The following LRRC8C variants were observed in gnomAD, a reference collection of about 807,000 sequenced individuals.
The protein encoded by LRRC8C is leucine rich repeat containing 8 VRAC subunit C.
Under a neutral mutation model 55.3 loss-of-function variants are expected in LRRC8C, and 20 were observed. The ratio of observed to expected loss-of-function variants is 0.36; its 90% CI spans 0.25 to 0.53. LRRC8C has a LOEUF of 0.53. Among genes scored for constraint, LRRC8C ranks in the 20% least tolerant of loss-of-function variants. LRRC8C has a pLI of 0.92. For synonymous variants in LRRC8C, 376 were observed against 360.7 expected, an observed-to-expected ratio of 1.04 and a Z score of -0.48; for missense variants, 659 against 951.4, an observed-to-expected ratio of 0.69 and a Z score of 4.04.
intron 1 of LRRC8C, among the ~76,000 whole-genome samples, chr1:89,639,740 A>G (rs557943902): frequency 2.2e-4 from 33 of 152,364 alleles, no homozygotes; most frequent in African/African-American, 7.7e-4. Context: ...TAGCTGCTCA[A>G]TAAATAATCA....
In LRRC8C at chr1:89,675,997, C is replaced by A. The variant is rs550309278; in HGVS notation, c.-4-10473C>A. ...GAAGGACTATTAGATCTCAGCTTAG[C>A]CTCATTTCAGTAAGGATTTCTGAAT... is the stretch of plus-strand genomic sequence containing the variant. On this transcript the variant is annotated intron_variant, in intron 1 of 2. Transcript: ENST00000370454. Among the ~76,000 whole-genome samples, 15 of 152,260 alleles carry A rather than the reference C, an allele frequency of 9.9e-5. No individual in the cohort carries two copies. In the East Asian group the frequency reaches 2.9e-3, roughly 29 times the overall value.
chr1:89,620,905 C>T, the LRRC8C span, among the ~76,000 whole-genome samples: 1 of 152,206 alleles, frequency 6.6e-6, no homozygotes, highest in Non-Finnish European at 1.5e-5. Context: ...ACCATGACGA[C>T]TCCTCATTTT....
chr1:89,633,589 C>G (rs1656195082), intron 1 of LRRC8C, among the ~76,000 whole-genome samples: 1 of 152,192 alleles, frequency 6.6e-6, no homozygotes, highest in Non-Finnish European at 1.5e-5. Context: ...GCCTGGCGCC[C>G]AACGCCGCGC....
intron 1 of LRRC8C, chr1:89,676,408 A>G (rs1657549439): frequency 6.6e-6 from 1 of 152,228 alleles, no homozygotes; most frequent in African/African-American, 2.4e-5. Context: ...TTCTTTCCTC[A>G]TCTCAAACAT....
the LRRC8C span, among the ~76,000 whole-genome samples, chr1:89,624,166 A>C: frequency 6.6e-6 from 1 of 152,232 alleles, no homozygotes; most frequent in African/African-American, 2.4e-5. Context: ...TTTTATGAGC[A>C]GTAAGTATGC....
rs549536491 is a variant in LRRC8C at position 89,651,637 on chromosome 1, C to T, written c.-5+18315C>T. 2.0e-5 allele frequency among the ~76,000 whole-genome samples: 3 copies of T among 151,114 alleles called. No homozygotes were observed. In the South Asian group the frequency reaches 6.3e-4, roughly 32 times the overall value. On this transcript the variant is annotated intron_variant, in intron 1 of 2. Transcript: ENST00000370454. ...TTATAAACCCTAAGTATTTGCTTTC[C>T]CTCCCTTTATAGGAAAAAGTTTATG...
chr1:89,703,996 T>C (rs1209908998), intron 2 of LRRC8C, among the ~76,000 whole-genome samples: 1 of 152,062 alleles, frequency 6.6e-6, no homozygotes, highest in African/African-American at 2.4e-5. Context: ...AAAGATAATA[T>C]AACACAAATA....
chr1:89,672,259 G>A (rs1657441421), intron 1 of LRRC8C, among the ~76,000 whole-genome samples: 1 of 152,116 alleles, frequency 6.6e-6, no homozygotes, highest in Admixed American at 6.6e-5. Context: ...TAAACCCCCA[G>A]TAGTTCAGGT....
In LRRC8C at chr1:89,719,204, A is replaced by G. The variant is rs895356346; in HGVS notation, c.*4222A>G. On this transcript the variant is annotated 3_prime_UTR_variant, in exon 3 of 3. Transcript: ENST00000370454. ...AAACTTAATTTCTTGGCTGTGTTTG[A>G]TAACAGTTCCTATGCATGGTTTTTA... The G allele has an allele frequency of 6.6e-6, 1 of 152,200 alleles. No homozygotes were observed. Among genetic ancestry groups the G allele is most frequent in the African/African-American group, 2.4e-5 (1 of 41,454 alleles). 9.4% of individuals were successfully genotyped at this position (152,200 alleles called of 1,614,324 possible). A position where few individuals can be genotyped will look rare whatever the true frequency, so the allele number is the denominator to read the frequency against.
chr1:89,639,684 T>A (rs1656401729), intron 1 of LRRC8C, among the ~76,000 whole-genome samples: 1 of 152,258 alleles, frequency 6.6e-6, no homozygotes, highest in African/African-American at 2.4e-5. Context: ...CATATCTGTC[T>A]TGTTCACTGC....
intron 1 of LRRC8C, among the ~76,000 whole-genome samples, chr1:89,654,145 C>T (rs1557650076): frequency 6.6e-6 from 1 of 151,978 alleles, no homozygotes; most frequent in Non-Finnish European, 1.5e-5. Flanking sequence ...GAACTGGAGG[C>T]CATTTTCTTA....
rs764661246 is a variant in LRRC8C, at chr1:89,714,483, A to G, written c.1913A>G (p.Lys638Arg). 6.2e-7 allele frequency: 1 copy of G among 1,614,190 alleles called. No individual in the cohort carries two copies. The highest frequency in any genetic ancestry group is 1.1e-5 in the South Asian group (1 of 91,084). Residue 638 changes from lysine (K) to arginine (R), a missense_variant, in exon 3 of 3, where the codon AAG (lysine) becomes AGG (arginine). By Grantham distance (26) the Lys-to-Arg change is conservative. Around this residue, in one of 5 missense-constraint regions of LRRC8C, gnomAD observed 344 missense variants for 464.6 expected, o/e 0.74. Coordinates refer to ENST00000370454, the MANE Select transcript of LRRC8C (RefSeq NM_032270.5). This position sits in a 1 kb window ranked among gnomAD's most constrained non-coding sequence, Gnocchi z 4.6. ...ATCGTTAGCTTTCAGCACTTAAGAA[A>G]GTTGACAGTGCTAAAACTGTGGCAT... is the stretch of plus-strand genomic sequence containing the variant. The part of the protein sequence containing the change: ...EEIVSFQHLR[K>R]LTVLKLWHNS...
intron 1 of LRRC8C, among the ~76,000 whole-genome samples, chr1:89,668,651 C>G (rs540392706): frequency 5.9e-5 from 9 of 152,230 alleles, no homozygotes; most frequent in Admixed American, 3.3e-4. Flanking sequence ...ATGAAATGAG[C>G]TTGGACATTG....
chr1:89,672,787 T>TATTC (rs1657457486), intron 1 of LRRC8C, among the ~76,000 whole-genome samples: 1 of 106,122 alleles, frequency 9.4e-6, no homozygotes, highest in South Asian at 2.5e-4. Context: ...ACTGGATATT[T>TATTC]ATTTATTTAT....
intron 2 of LRRC8C, among the ~76,000 whole-genome samples, chr1:89,687,170 A>G (rs1379380341): frequency 6.6e-6 from 1 of 152,232 alleles, no homozygotes; most frequent in Non-Finnish European, 1.5e-5. Flanking sequence ...GAGGACATGG[A>G]TACATATAAG....
In LRRC8C at chr1:89,708,087, A is replaced by T. The variant is rs545814345; in HGVS notation, c.139-4622A>T. 1.2e-4 allele frequency among the ~76,000 whole-genome samples: 18 copies of T among 151,262 alleles called. No homozygotes were observed. The East Asian group carries it at 3.1e-3, about 26-fold the overall frequency. ...CTTGTTCATTTTGATTTTTTTCTTC[A>T]CTTCTCCCCCCAGTTTCTTCCCCCT... On this transcript the variant is annotated intron_variant, in intron 2 of 2. Transcript: ENST00000370454.
chr1:89,707,268 G>A lies in LRRC8C; in HGVS notation c.139-5441G>A, dbSNP rs190252671. ...CTAAAAATACAAAAATTAGTCGGGT[G>A]TGGTGGCACACACCTGTAGTCCCAG... On this transcript the variant is annotated intron_variant, in intron 2 of 2. Transcript: ENST00000370454. Among the ~76,000 whole-genome samples the A allele has an allele frequency of 1.2e-4, 18 of 152,172 alleles. No individual in the cohort carries two copies. The South Asian group carries it at 1.7e-3, about 14-fold the overall frequency.
chr1:89,669,892 G>A (rs1480808396), intron 1 of LRRC8C, among the ~76,000 whole-genome samples: 2 of 152,124 alleles, frequency 1.3e-5, no homozygotes, highest in East Asian at 3.8e-4. Context: ...TGTAACCTAG[G>A]AGGATGTTTC....
chr1:89,669,070 G>T (rs1657346440), intron 1 of LRRC8C, among the ~76,000 whole-genome samples: 1 of 152,034 alleles, frequency 6.6e-6, no homozygotes, highest in African/African-American at 2.4e-5. Flanking sequence ...AATAGAAAAA[G>T]AAAATGTAGT....
Sources: allele counts gnomAD v4.1 joint callset (sites outside exome capture counted in the v4.1 genomes callset), GRCh38; gene constraint gnomAD v4.1.1; regional missense constraint gnomAD v4.1.1; non-coding constraint Gnocchi (gnomAD v3.1); transcripts MANE v1.5; gene names NCBI Gene and HGNC (gene_info 2026-07-23, HGNC 2026-07-21).